CATSPERD: variants seen among roughly 807,000 people sequenced by gnomAD.
The protein encoded by CATSPERD is cation channel sperm-associated auxiliary subunit delta.
Under a neutral mutation model 98.1 loss-of-function variants are expected in CATSPERD, and 86 were observed. The ratio of observed to expected loss-of-function variants is 0.88; its 90% CI spans 0.74 to 1.05. CATSPERD has a LOEUF of 1.05. CATSPERD is among the 50% of genes least tolerant of loss of function. The pLI is 0.00. For missense variants in CATSPERD, 995 were observed against 1,005.7 expected, an observed-to-expected ratio of 0.99 and a Z score of 0.14; for synonymous variants, 394 against 390.2, an observed-to-expected ratio of 1.01 and a Z score of -0.12.
rs141527527 is a variant in CATSPERD at position 5,776,548 on chromosome 19, G to A, written c.2096+233G>A. On this transcript the variant is annotated intron_variant, in intron 21 of 21. Coordinates refer to ENST00000381624, the MANE Select transcript of CATSPERD (RefSeq NM_152784.4). ...GGGGGAACAGCAGTGACCAGAGGCT[G>A]TGCCGCTGCCCTGGCGCACCTGAGT... 4.7e-3 allele frequency among the ~76,000 whole-genome samples: 712 copies of A among 152,320 alleles called. 6 individuals carry two copies. Among genetic ancestry groups the A allele is most frequent in the Middle Eastern group, 0.017 (5 of 294 alleles).
At chr19:5,749,530 A>C (rs368130282) in intron 11 of CATSPERD, among the ~76,000 whole-genome samples, 1 of 152,156 alleles carries the variant, frequency 6.6e-6, no homozygotes, top group Non-Finnish European at 1.5e-5. Context: ...CCTTTTTTCG[A>C]AGGCTAGAAA....
chr19:5,752,341 A>G (rs2056237106), intron 12 of CATSPERD, among the ~76,000 whole-genome samples: 1 of 151,814 alleles, frequency 6.6e-6, no homozygotes, highest in Non-Finnish European at 1.5e-5. Context: ...TAAGTTGGGC[A>G]TGGTGGTGTG....
In CATSPERD at chr19:5,737,145, A is replaced by T; in HGVS notation, c.399A>T (p.Lys133Asn). The T allele has an allele frequency of 6.2e-7, 1 of 1,604,284 alleles. No individual in the cohort carries two copies. ...ATTATATTTTCCTTTCAGGTATAAA[A>T]CACCCTGTTACACATGTCTCTGGTG... is the stretch of plus-strand genomic sequence containing the variant. ...NNSWSMSLGI[K>N]HPVTHVSGDN... The change falls in exon 6 of 22, where the codon AAA (lysine) becomes AAT (asparagine). Residue 133 changes from lysine to asparagine, a missense_variant. By Grantham distance (94) the Lys-to-Asn change is moderately conservative. Coordinates refer to ENST00000381624, the MANE Select transcript of CATSPERD (RefSeq NM_152784.4).
intron 5 of CATSPERD, among the ~76,000 whole-genome samples, chr19:5,736,584 G>A (rs538061398): frequency 6.6e-6 from 1 of 152,044 alleles, no homozygotes. Context: ...AGGCATGGTG[G>A]TGGGCACCTG....
At chr19:5,763,005 C>T (rs773502774) in intron 15 of CATSPERD, among the ~76,000 whole-genome samples, 5 of 126,822 alleles carry the variant, frequency 3.9e-5, no homozygotes, top group East Asian at 2.5e-4. Flanking sequence ...TGGATAAATG[C>T]GTAGATGGAT....
chr19:5,724,779 T>G (rs772286834), intron 1 of CATSPERD, 29 bp from the exon 2 acceptor site: 22 of 1,609,990 alleles, frequency 1.4e-5, no homozygotes, highest in African/African-American at 2.7e-5. Flanking sequence ...CAATAAAAAT[T>G]GACAGATGGT....
chr19:5,738,231 C>A (rs1014220710), intron 6 of CATSPERD, among the ~76,000 whole-genome samples: 1 of 151,780 alleles, frequency 6.6e-6, no homozygotes, highest in African/African-American at 2.4e-5. Flanking sequence ...CATAGTGAAA[C>A]CCCGTCTCTA....
rs1370550369 is a variant in CATSPERD at position 5,720,741 on chromosome 19, CTGATGT to C, written c.10_15del (p.Met5_Leu6del). 12 of 1,606,728 alleles carry C rather than the reference CTGATGT, an allele frequency of 7.5e-6. No individual in the cohort carries two copies. The highest frequency in any genetic ancestry group is 1.0e-5 in the Non-Finnish European group (12 of 1,179,734). ...GTGGCGGCGGAAGCCCAAGTCGATG[CTGATGT>C]TGATGCTGGTGGCGGCTGTGACCAT... On this transcript the variant is annotated inframe_deletion, in exon 1 of 22. Transcript: ENST00000381624.
At chr19:5,723,024 C>G (rs1244968484) in intron 1 of CATSPERD, among the ~76,000 whole-genome samples, 3 of 151,056 alleles carry the variant, frequency 2.0e-5, no homozygotes, top group Non-Finnish European at 2.9e-5. Context: ...TCGTCTCTAC[C>G]AAAAATACAA....
At chr19:5,772,760 A>G (rs2056673249) in intron 19 of CATSPERD, 28 bp from the exon 20 acceptor site, 1 of 1,603,272 alleles carries the variant, frequency 6.2e-7, no homozygotes, top group Admixed American at 1.7e-5. Flanking sequence ...TGCTCCCTGC[A>G]CAGCCCTGCC....
Position 5,772,676 on chromosome 19 carries a change from C to T in CATSPERD, c.1764-112C>T. On this transcript the variant is annotated intron_variant, in intron 19 of 21. Coordinates refer to ENST00000381624, the MANE Select transcript of CATSPERD (RefSeq NM_152784.4). ...CGGCAGGCGTCCTTTGGTTTCCTCT[C>T]TGTCACCTCCCACCCCCCAAGCGGT... is the stretch of plus-strand genomic sequence containing the variant. 11 of 1,100,278 alleles carry T rather than the reference C, an allele frequency of 1.0e-5. No homozygotes were observed. The South Asian group carries it at 1.7e-4, about 17-fold the overall frequency. 68.2% of individuals were successfully genotyped at this position (1,100,278 alleles called of 1,614,324 possible).
rs529617927 is a variant in CATSPERD at position 5,727,131 on chromosome 19, C to T, written c.127-137C>T. The T allele has an allele frequency of 9.2e-5, 54 of 589,652 alleles. No individual in the cohort carries two copies. The African/African-American group carries it at 9.6e-4, about 11-fold the overall frequency. 36.5% of individuals were successfully genotyped at this position (589,652 alleles called of 1,614,324 possible). On this transcript the variant is annotated intron_variant, in intron 2 of 21. Transcript: ENST00000381624. Reference sequence around the variant, plus strand: ...AATGGTGTGAACCTGGGAGGCGGAGCTTGCAGTGAGCCAAGATTGTGCAAC... The same window carrying T: ...AATGGTGTGAACCTGGGAGGCGGAGTTTGCAGTGAGCCAAGATTGTGCAAC...
intron 18 of CATSPERD, among the ~76,000 whole-genome samples, chr19:5,769,103 A>G (rs368438484): frequency 1.1e-4 from 16 of 151,804 alleles, no homozygotes; most frequent in South Asian, 4.2e-4. Flanking sequence ...GCAGTGAGCC[A>G]AGATTGAGCC....
At chr19:5,774,902 C>T (rs780830656) in intron 20 of CATSPERD, among the ~76,000 whole-genome samples, 56 of 151,804 alleles carry the variant, frequency 3.7e-4, no homozygotes, top group Non-Finnish European at 5.2e-4. Flanking sequence ...CTGTAGTTCC[C>T]GCTACTTGGA....
At chr19:5,764,227 C>A (rs1445663453) in intron 16 of CATSPERD, among the ~76,000 whole-genome samples, 2 of 105,746 alleles carry the variant, frequency 1.9e-5, no homozygotes, top group Non-Finnish European at 3.9e-5. Flanking sequence ...AGCCCCTGCA[C>A]CTGGCCAATT....
At chr19:5,753,851 C>T (rs957323696) in intron 12 of CATSPERD, among the ~76,000 whole-genome samples, 11 of 151,406 alleles carry the variant, frequency 7.3e-5, no homozygotes, top group Non-Finnish European at 2.9e-5. Flanking sequence ...CCAGCCTGGG[C>T]GACAGAGCGA....
chr19:5,762,058 A>ATATATATATATATATATATATTTTTT, intron 15 of CATSPERD, among the ~76,000 whole-genome samples: 1 of 10,434 alleles, frequency 9.6e-5, no homozygotes, highest in Non-Finnish European at 1.8e-4. Flanking sequence ...ATATATATAT[A>ATATATATATATATATATATATTTTTT]TTTTTTTTTT....
chr19:5,731,867 G>A (rs1266218899), intron 4 of CATSPERD, among the ~76,000 whole-genome samples: 2 of 152,044 alleles, frequency 1.3e-5, no homozygotes, highest in African/African-American at 4.8e-5. Context: ...GAGCCACCGC[G>A]CCCGGCCTAC....
chr19:5,778,224 AGGC>A, intron 21 of CATSPERD, 149 bp from the exon 22 acceptor site: 1 of 562,446 alleles, frequency 1.8e-6, no homozygotes, highest in Non-Finnish European at 3.0e-6. Context: ...AAAAAAAAAA[AGGC>A]ATAGTGGATG....
Sources: gnomAD v4.1 joint callset for allele counts (sites outside exome capture counted in the v4.1 genomes callset) on GRCh38, gnomAD v4.1.1 for gene constraint, MANE v1.5 for transcripts, NCBI Gene and HGNC (gene_info 2026-07-23, HGNC 2026-07-21) for gene names.